Variants in FAM3D observed in about 807,000 individuals in gnomAD.
The protein encoded by FAM3D is protein FAM3D.
In FAM3D, 26 loss-of-function variants were observed where a neutral mutation model predicts 29.8. The observed-to-expected ratio is 0.87, with a 90% confidence interval of 0.64 to 1.21. The LOEUF is 1.21. Ranked by LOEUF, FAM3D falls within the 50% of genes most tolerant of loss-of-function variation. The pLI is 0.00. For missense variants in FAM3D, 253 were observed against 290.9 expected, an observed-to-expected ratio of 0.87 and a Z score of 0.95; for synonymous variants, 115 against 102.3, an observed-to-expected ratio of 1.12 and a Z score of -0.75.
intron 1 of FAM3D, among the ~76,000 whole-genome samples, chr3:58,659,702 ATGT>A (rs1255022472): frequency 2.6e-5 from 4 of 152,172 alleles, no homozygotes; most frequent in South Asian, 2.1e-4. Flanking sequence ...TGTGCAGTAA[ATGT>A]TGTTGGAAGG....
At chr3:58,651,468 T>C (rs946654021) in intron 3 of FAM3D, among the ~76,000 whole-genome samples, 2 of 152,306 alleles carry the variant, frequency 1.3e-5, no homozygotes, top group Non-Finnish European at 2.9e-5. Context: ...ATCATGTTAA[T>C]GCACTTTCAT....
chr3:58,660,657 GT>G (rs2066911981), intron 1 of FAM3D, among the ~76,000 whole-genome samples: 3 of 152,104 alleles, frequency 2.0e-5, no homozygotes. Context: ...CTGGCCAATG[GT>G]AGAATTATTG....
chr3:58,649,209 T>C, intron 4 of FAM3D, 106 bp downstream of exon 4: 1 of 1,383,710 alleles, frequency 7.2e-7, no homozygotes, highest in Non-Finnish European at 9.8e-7. Flanking sequence ...CTCTGGCACC[T>C]GCAGGGCTCA....
Position 58,634,344 on chromosome 3 carries a change from T to C in FAM3D, c.610A>G (p.Asn204Asp). The part of the protein sequence containing the change: ...EQFLKNSPDT[N>D]KYEGWPELLE... ...AGCTCTGGCCATCCCTCGTATTTGT[T>C]TGTGTCTGGGCTGTTCTTTAAGAAC... is the stretch of plus-strand genomic sequence containing the variant. Residue 204 changes from asparagine to aspartate, a missense_variant, in exon 10 of 10, where the codon AAC becomes GAC. Transcript: ENST00000358781. This position sits in a 1 kb window ranked among gnomAD's most constrained non-coding sequence, Gnocchi z 4.6. 4.3e-6 allele frequency: 7 copies of C among 1,614,002 alleles called. No individual in the cohort carries two copies. The highest frequency in any genetic ancestry group is 5.1e-6 in the Non-Finnish European group (6 of 1,180,000).
At chr3:58,656,985 T>G (rs557254503) in intron 1 of FAM3D, among the ~76,000 whole-genome samples, 4 of 152,334 alleles carry the variant, frequency 2.6e-5, no homozygotes, top group Non-Finnish European at 4.4e-5. Context: ...CCCACCACCC[T>G]GATCCTACTC....
chr3:58,660,975 G>C (rs115012183), intron 1 of FAM3D, among the ~76,000 whole-genome samples: 214 of 152,224 alleles, frequency 1.4e-3, no homozygotes, highest in African/African-American at 4.9e-3. Context: ...TAACCACTTT[G>C]CCCAACTCAA....
At chr3:58,656,359 G>T (rs748497103) in intron 1 of FAM3D, among the ~76,000 whole-genome samples, 6 of 152,174 alleles carry the variant, frequency 3.9e-5, no homozygotes, top group Non-Finnish European at 5.9e-5. Context: ...TTGGATGCAG[G>T]TTTCTGGCTG....
intron 1 of FAM3D, among the ~76,000 whole-genome samples, chr3:58,657,132 C>T (rs1000634524): frequency 3.3e-5 from 5 of 152,074 alleles, no homozygotes; most frequent in East Asian, 1.9e-4. Flanking sequence ...ATCACGACTA[C>T]GCTTTGGATG....
Position 58,636,495 on chromosome 3 carries a change from G to A in FAM3D, c.459-75C>T, listed in dbSNP as rs890705118. 2.5e-6 allele frequency: 4 copies of A among 1,576,054 alleles called. No homozygotes were observed. The African/African-American group carries it at 4.0e-5, about 16-fold the overall frequency. On this transcript the variant is annotated intron_variant, in intron 8 of 9. Coordinates refer to ENST00000358781, the MANE Select transcript of FAM3D (RefSeq NM_138805.3). ...GCATCAGGTGGTGGGATTCCCATGGGGCAAGGTTCCCACTCTTCTCCCCAT... is the reference window on the plus strand; with the variant it reads ...GCATCAGGTGGTGGGATTCCCATGGAGCAAGGTTCCCACTCTTCTCCCCAT...
chr3:58,643,522 C>T (rs2066392771), intron 6 of FAM3D, 140 bp downstream of exon 6: 12 of 918,508 alleles, frequency 1.3e-5, no homozygotes, highest in African/African-American at 3.2e-5. Flanking sequence ...CCAGGCCAGC[C>T]ACGCTTCCCC....
rs140725039 is a variant in FAM3D, at chr3:58,645,584, G to T, written c.188C>A (p.Ala63Asp). ...YKCGLIKPCP[A>D]NYFAFKICSG... ...GCAGATTTTAAACGCAAAGTAGTTG[G>T]CTGGGCAGGGCTTGATGAGGCCACA... Residue 63 changes from alanine (A) to aspartate (D), a missense_variant, in exon 5 of 10, where the codon GCC becomes GAC. Coordinates refer to ENST00000358781, the MANE Select transcript of FAM3D (RefSeq NM_138805.3). The T allele has an allele frequency of 7.3e-5, 118 of 1,614,112 alleles. No homozygotes were observed. The highest frequency in any genetic ancestry group is 9.2e-5 in the Non-Finnish European group (108 of 1,180,046).
intron 6 of FAM3D, 29 bp from the exon 7 acceptor site, chr3:58,640,206 C>T (rs2066289761): frequency 3.7e-6 from 6 of 1,612,598 alleles, no homozygotes; most frequent in South Asian, 2.2e-5. Flanking sequence ...ACGATTATCC[C>T]CTGTAACACG....
At chr3:58,663,113 G>T (rs143720610) in intron 1 of FAM3D, among the ~76,000 whole-genome samples, 2 of 152,210 alleles carry the variant, frequency 1.3e-5, no homozygotes, top group South Asian at 4.1e-4. Context: ...TGGCCAGGCT[G>T]GTCTCAAACT....
At position 58,634,254 on chromosome 3, in the gene FAM3D, T is replaced by C. The variant is rs1308996333; in HGVS notation, c.*25A>G. 1 of 1,609,626 alleles carries C rather than the reference T, an allele frequency of 6.2e-7. No homozygotes were observed. ...TCAGGCAGGAGCTTCTTCAGGCCCC[T>C]GGCTGAGGAAGAGCCACAGCCACCC... On this transcript the variant is annotated 3_prime_UTR_variant, in exon 10 of 10. Transcript: ENST00000358781. This position sits in a 1 kb window ranked among gnomAD's most constrained non-coding sequence, Gnocchi z 4.6.
chr3:58,662,160 G>A (rs2066944349), intron 1 of FAM3D, among the ~76,000 whole-genome samples: 2 of 152,218 alleles, frequency 1.3e-5, no homozygotes, highest in African/African-American at 2.4e-5. Context: ...GGAGTATCTG[G>A]GTTCACCCCC....
chr3:58,645,783 G>A (rs1291831084), intron 4 of FAM3D, among the ~76,000 whole-genome samples, 157 bp from the exon 5 acceptor site: 1 of 152,230 alleles, frequency 6.6e-6, no homozygotes, highest in Admixed American at 6.5e-5. Flanking sequence ...TCTGGGAGAT[G>A]TGCCCTTCTG....
Position 58,640,087 on chromosome 3 carries a change from C to T in FAM3D, c.373+40G>A, listed in dbSNP as rs763061908. On this transcript the variant is annotated intron_variant, in intron 7 of 9. Coordinates refer to ENST00000358781, the MANE Select transcript of FAM3D (RefSeq NM_138805.3). ...TGAAGAGGCTCAGCCCTCTGCACCG[C>T]ACCCCCGACTGTGACTTCAGTGTCA... 68 of 1,610,924 alleles carry T rather than the reference C, an allele frequency of 4.2e-5. 5 individuals carry two copies. The South Asian group carries it at 7.5e-4, about 18-fold the overall frequency.
At chr3:58,636,057 T>G (rs1346996795) in intron 9 of FAM3D, among the ~76,000 whole-genome samples, 1 of 152,244 alleles carries the variant, frequency 6.6e-6, no homozygotes, top group Non-Finnish European at 1.5e-5. Context: ...CTTCCTTTTC[T>G]GATAATTATC....
At chr3:58,664,141 G>A (rs1034384729) in intron 1 of FAM3D, among the ~76,000 whole-genome samples, 1 of 152,100 alleles carries the variant, frequency 6.6e-6, no homozygotes, top group Admixed American at 6.6e-5. Context: ...CACCTCCTTA[G>A]GCCTCAGTAG....
Sources: gnomAD v4.1 joint callset for allele counts (sites outside exome capture counted in the v4.1 genomes callset) on GRCh38, gnomAD v4.1.1 for gene constraint, Gnocchi (gnomAD v3.1) non-coding constraint, MANE v1.5 for transcripts, NCBI Gene and HGNC (gene_info 2026-07-23, HGNC 2026-07-21) for gene names.